Variants in WWOX observed in about 807,000 individuals in gnomAD.
WWOX encodes the protein WW domain-containing oxidoreductase.
In WWOX, 69 loss-of-function variants were observed where a neutral mutation model predicts 46.2. The ratio of observed to expected loss-of-function variants is 1.49; its 90% CI spans 1.23 to 1.82. WWOX has a LOEUF of 1.82. WWOX is among the 40% of genes most tolerant of loss of function. WWOX has a pLI of 0.00. For synonymous variants in WWOX, 359 were observed against 202.6 expected (o/e 1.77, Z -6.56); for missense variants, 919 against 542.6 (o/e 1.69, Z -6.89).
intron 8 of WWOX, among the ~76,000 whole-genome samples, chr16:78,611,435 C>A (rs1224563795): frequency 6.6e-6 from 1 of 152,136 alleles, no homozygotes; most frequent in African/African-American, 2.4e-5. Flanking sequence ...TTCTTTGGTG[C>A]ATTTTATTGT....
intron 8 of WWOX, among the ~76,000 whole-genome samples, chr16:78,720,624 A>G (rs1377431088): frequency 2.6e-5 from 4 of 152,074 alleles, no homozygotes; most frequent in Non-Finnish European, 5.9e-5. Context: ...ACCTGCCAGC[A>G]TTTCACATTC....
At position 79,103,541 on chromosome 16, in the gene WWOX, G is replaced by A. The variant is rs554746171; in HGVS notation, c.1057-108067G>A. On this transcript the variant is annotated intron_variant, in intron 8 of 8. Transcript: ENST00000566780. ...AACACCCGTTTCATTATGGAACATG[G>A]AGAAAAGGGTGATTGTCAGCTCCAA... Among the ~76,000 whole-genome samples, 12 of 152,272 alleles carry A rather than the reference G, an allele frequency of 7.9e-5. No homozygotes were observed. The East Asian group carries it at 2.3e-3, about 29-fold the overall frequency.
chr16:78,258,135 T>C (rs2038180212), intron 5 of WWOX, among the ~76,000 whole-genome samples: 1 of 152,182 alleles, frequency 6.6e-6, no homozygotes, highest in Non-Finnish European at 1.5e-5. Context: ...GAGACATGGC[T>C]CCATTAATTG....
intron 8 of WWOX, among the ~76,000 whole-genome samples, chr16:78,797,075 C>G (rs1422544006): frequency 1.3e-5 from 2 of 152,046 alleles, no homozygotes; most frequent in Admixed American, 6.6e-5. Context: ...ATCCACCCAC[C>G]TCAGCCTCCT....
intron 8 of WWOX, among the ~76,000 whole-genome samples, chr16:78,501,532 C>G (rs537296292): frequency 1.1e-4 from 17 of 151,298 alleles, no homozygotes; most frequent in African/African-American, 4.1e-4. Context: ...CTGAGAAGTT[C>G]TTTTTCTTTC....
rs1326454981 is a variant in WWOX at position 78,757,011 on chromosome 16, G to A, written c.1056+324259G>A. On this transcript the variant is annotated intron_variant, in intron 8 of 8. Coordinates refer to ENST00000566780, the MANE Select transcript of WWOX (RefSeq NM_016373.4). ...AGAAGAACTGAGCCTCCTGCCAACA[G>A]CCATGTGAGTGAACCACGTTCGAAG... 5.7e-6 allele frequency: 4 copies of A among 699,830 alleles called. No individual in the cohort carries two copies. In the South Asian group the frequency reaches 5.9e-5, roughly 10 times the overall value. 43.4% of individuals were successfully genotyped at this position (699,830 alleles called of 1,614,324 possible). A position where few individuals can be genotyped will look rare whatever the true frequency, so the allele number is the denominator to read the frequency against.
At chr16:78,407,012 G>A (rs1030206395) in intron 6 of WWOX, among the ~76,000 whole-genome samples, 2 of 152,222 alleles carry the variant, frequency 1.3e-5, no homozygotes, top group African/African-American at 4.8e-5. Context: ...TTGGGCAGCT[G>A]TGGCCTTGGT....
chr16:78,955,448 T>C (rs1475426494), intron 8 of WWOX, among the ~76,000 whole-genome samples: 1 of 151,964 alleles, frequency 6.6e-6, no homozygotes, highest in Non-Finnish European at 1.5e-5. Context: ...CCAAAAGAGA[T>C]TCTATTTTTA....
chr16:78,503,642 T>A (rs1289976441), intron 8 of WWOX: 1 of 152,184 alleles, frequency 6.6e-6, no homozygotes, highest in Non-Finnish European at 1.5e-5. Context: ...TTAAAAATAT[T>A]CACAAGGTGC....
At chr16:78,574,599 T>C (rs906983478) in intron 8 of WWOX, among the ~76,000 whole-genome samples, 3 of 152,156 alleles carry the variant, frequency 2.0e-5, no homozygotes, top group Non-Finnish European at 4.4e-5. Context: ...TTTCATCCTT[T>C]TTATGGCTGA....
intron 5 of WWOX, among the ~76,000 whole-genome samples, chr16:78,342,444 C>G (rs1329168934): frequency 8.3e-6 from 1 of 120,684 alleles, no homozygotes; most frequent in Non-Finnish European, 2.0e-5. Context: ...CAGGATGAAG[C>G]AGCATTTTTT....
intron 8 of WWOX, among the ~76,000 whole-genome samples, chr16:78,773,676 A>C (rs1343841314): frequency 6.6e-6 from 1 of 152,152 alleles, no homozygotes; most frequent in African/African-American, 2.4e-5. Flanking sequence ...TTAAAAACGA[A>C]ATCACAGTGG....
chr16:78,891,232 A>C (rs2044583852), intron 8 of WWOX: 1 of 152,140 alleles, frequency 6.6e-6, no homozygotes, highest in Admixed American at 6.5e-5. Context: ...TTTGAATAAC[A>C]ATATGTAATT....
chr16:78,237,641 T>C (rs2037487832), intron 5 of WWOX: 1 of 152,192 alleles, frequency 6.6e-6, no homozygotes, highest in Non-Finnish European at 1.5e-5. Context: ...CCTCTTTGGC[T>C]ATGGCCTGCA....
chr16:78,851,506 G>A (rs1490857872), intron 8 of WWOX, among the ~76,000 whole-genome samples: 1 of 152,188 alleles, frequency 6.6e-6, no homozygotes, highest in Non-Finnish European at 1.5e-5. Flanking sequence ...AGAAGATAAT[G>A]AGCCTGATAC....
intron 8 of WWOX, among the ~76,000 whole-genome samples, chr16:79,126,679 C>T (rs1274726045): frequency 6.6e-6 from 1 of 152,130 alleles, no homozygotes; most frequent in Non-Finnish European, 1.5e-5. Flanking sequence ...CAGACTAATA[C>T]AGCAAGGGAG....
chr16:78,308,425 A>G (rs2080174230), intron 5 of WWOX, among the ~76,000 whole-genome samples: 1 of 152,176 alleles, frequency 6.6e-6, no homozygotes, highest in African/African-American at 2.4e-5. Flanking sequence ...GAACAGCATT[A>G]GCATTAAAAC....
chr16:78,933,611 T>C (rs1473017678), intron 8 of WWOX, among the ~76,000 whole-genome samples: 2 of 152,116 alleles, frequency 1.3e-5, no homozygotes, highest in African/African-American at 2.4e-5. Context: ...GACTGGGCAA[T>C]TTACAAAAGA....
intron 8 of WWOX, among the ~76,000 whole-genome samples, chr16:78,664,636 C>G (rs1398400251): frequency 6.6e-6 from 1 of 152,118 alleles, no homozygotes; most frequent in Non-Finnish European, 1.5e-5. Context: ...CCAGATGAGC[C>G]CGGTGTATCC....
Sources: gnomAD v4.1 joint callset for allele counts (sites outside exome capture counted in the v4.1 genomes callset) on GRCh38, gnomAD v4.1.1 for gene constraint, MANE v1.5 for transcripts, NCBI Gene and HGNC (gene_info 2026-07-23, HGNC 2026-07-21) for gene names.